The following CSMD1 variants were observed in gnomAD, a reference collection of about 807,000 sequenced individuals.
CSMD1 encodes CUB and Sushi multiple domains 1, also known as CUB and sushi domain-containing protein 1.
In CSMD1, 213 loss-of-function variants were observed where a neutral mutation model predicts 417.5. That is an observed-to-expected ratio of 0.51 (90% confidence interval 0.46 to 0.57). CSMD1 has a LOEUF of 0.57. CSMD1 is among the 20% of genes least tolerant of loss of function. The probability of loss-of-function intolerance (pLI) is 0.00; values close to 1 mark genes in which losing one functional copy is unlikely to be tolerated. For missense variants in CSMD1, 6,923 were observed against 4,529.7 expected (o/e 1.53, Z -15.17); for synonymous variants, 2,862 against 1,736.8 (o/e 1.65, Z -16.11).
At chr8:3,560,682 C>A (rs1483403922) in intron 10 of CSMD1, among the ~76,000 whole-genome samples, 1 of 152,126 alleles carries the variant, frequency 6.6e-6, no homozygotes, top group East Asian at 1.9e-4. Flanking sequence ...TTCATGGAAA[C>A]CATGAATTTC....
At chr8:3,883,723 A>C (rs1806366247) in intron 5 of CSMD1, among the ~76,000 whole-genome samples, 1 of 152,114 alleles carries the variant, frequency 6.6e-6, no homozygotes, top group African/African-American at 2.4e-5. Flanking sequence ...TTATGGCTTG[A>C]AAGTGATTCA....
chr8:4,015,460 A>G (rs1796475608), intron 4 of CSMD1, among the ~76,000 whole-genome samples: 1 of 152,072 alleles, frequency 6.6e-6, no homozygotes, highest in Admixed American at 6.6e-5. Context: ...TTCCAGTCAC[A>G]TTACGTAAGG....
chr8:3,533,849 T>A (rs1262662537), intron 10 of CSMD1, among the ~76,000 whole-genome samples: 1 of 152,184 alleles, frequency 6.6e-6, no homozygotes, highest in Non-Finnish European at 1.5e-5. Context: ...CAGTTAGAGA[T>A]CTTAGTCTGT....
In CSMD1 at chr8:4,750,003, T is replaced by A. The variant is rs868696932; in HGVS notation, c.86-112445A>T. Among the ~76,000 whole-genome samples the A allele has an allele frequency of 3.7e-4, 55 of 147,698 alleles. 1 individual carries two copies. The highest frequency in any genetic ancestry group is 9.1e-4 in the African/African-American group (34 of 37,486). On this transcript the variant is annotated intron_variant, in intron 1 of 69. Transcript: ENST00000635120. ...AACCCTTGTTTAATTGAAAAAAAAA[T>A]AATAATTATTATTATTTTTTTGAGA...
chr8:4,035,948 C>G (rs561684085), intron 3 of CSMD1, among the ~76,000 whole-genome samples: 104 of 152,316 alleles, frequency 6.8e-4, no homozygotes, highest in Middle Eastern at 6.8e-3. Context: ...AAACTCTATT[C>G]ACGGTAAGTG....
chr8:4,035,421 C>T (rs1178474818), intron 3 of CSMD1, among the ~76,000 whole-genome samples: 1 of 152,112 alleles, frequency 6.6e-6, no homozygotes, highest in East Asian at 1.9e-4. Context: ...TACTGTAAAA[C>T]AACCTTAGTC....
At chr8:3,651,732 G>A (rs752914186) in intron 7 of CSMD1, among the ~76,000 whole-genome samples, 6 of 150,802 alleles carry the variant, frequency 4.0e-5, no homozygotes, top group Admixed American at 1.3e-4. Context: ...CAGCAACAGC[G>A]TGCTTACTAT....
chr8:4,363,728 T>A (rs74432575), intron 3 of CSMD1, among the ~76,000 whole-genome samples: 1 of 152,154 alleles, frequency 6.6e-6, no homozygotes, highest in African/African-American at 2.4e-5. Context: ...GTTCCACCCA[T>A]GTTGTTGCAA....
intron 3 of CSMD1, among the ~76,000 whole-genome samples, chr8:4,416,865 A>T (rs62480997): frequency 6.6e-6 from 1 of 152,106 alleles, no homozygotes; most frequent in South Asian, 2.1e-4. Context: ...CATTACACAA[A>T]TAAAATTTAT....
intron 1 of CSMD1, among the ~76,000 whole-genome samples, chr8:4,988,111 C>T (rs777041369): frequency 6.6e-6 from 1 of 152,174 alleles, no homozygotes; most frequent in Non-Finnish European, 1.5e-5. Context: ...GTGAAAAAAA[C>T]TGGGAAGAGA....
At chr8:3,392,441 AG>A (rs1349596228) in intron 17 of CSMD1, among the ~76,000 whole-genome samples, 1 of 151,884 alleles carries the variant, frequency 6.6e-6, no homozygotes, top group Non-Finnish European at 1.5e-5. Context: ...ACCTGGATGA[AG>A]GGGTTGGTAG....
At chr8:4,499,185 G>T (rs1191256729) in intron 2 of CSMD1, among the ~76,000 whole-genome samples, 3 of 152,192 alleles carry the variant, frequency 2.0e-5, no homozygotes, top group African/African-American at 7.2e-5. Context: ...AAGCAAGACA[G>T]AAAATTGAGG....
At chr8:4,542,163 G>A (rs1047860451) in intron 2 of CSMD1, among the ~76,000 whole-genome samples, 1 of 152,114 alleles carries the variant, frequency 6.6e-6, no homozygotes, top group Non-Finnish European at 1.5e-5. Flanking sequence ...CACATTCTTA[G>A]AACTCTTAGT....
rs1390898739 is a variant in CSMD1 at position 2,935,732 on chromosome 8, AGGGTC to A, written c.*2848_*2852del. The A allele has an allele frequency of 4.0e-5, 6 of 151,274 alleles. No homozygotes were observed. Among genetic ancestry groups the A allele is most frequent in the Non-Finnish European group, 5.9e-5 (4 of 67,824 alleles). The allele number at this position is 151,274 out of a possible 1,614,324, so 9.4% of individuals were successfully genotyped here. ...AGCAGCGTGTGGTGGGACGGGAGGG[AGGGTC>A]GGCGATGACAATGGGTTTTCCTGAT... On this transcript the variant is annotated 3_prime_UTR_variant, in exon 70 of 70. Coordinates refer to ENST00000635120, the MANE Select transcript of CSMD1 (RefSeq NM_033225.6).
chr8:3,360,417 T>A (rs780634786), intron 20 of CSMD1, among the ~76,000 whole-genome samples: 1 of 152,220 alleles, frequency 6.6e-6, no homozygotes, highest in Non-Finnish European at 1.5e-5. Context: ...CTTGGTCCAT[T>A]ATCAAGTCCA....
chr8:3,275,418 C>G (rs911854971), intron 26 of CSMD1, among the ~76,000 whole-genome samples: 1 of 152,082 alleles, frequency 6.6e-6, no homozygotes, highest in Non-Finnish European at 1.5e-5. Context: ...TGGTGTTGCT[C>G]TTCTCGAGGA....
intron 4 of CSMD1, among the ~76,000 whole-genome samples, chr8:4,022,407 G>A (rs1363090189): frequency 6.6e-6 from 1 of 152,066 alleles, no homozygotes; most frequent in Non-Finnish European, 1.5e-5. Flanking sequence ...TATTTTCTAT[G>A]TACAGTTTGT....
In CSMD1 at chr8:4,204,832, ATT is replaced by A. The variant is rs11284145; in HGVS notation, c.416-172735_416-172734del. ...AGCACACACAGCTAACTTTTATTTA[ATT>A]TTTTTTTACAAAGACAGGGTATCAC... On this transcript the variant is annotated intron_variant, in intron 3 of 69. Transcript: ENST00000635120. Among the ~76,000 whole-genome samples the A allele has an allele frequency of 8.3e-3, 1,257 of 151,182 alleles. 16 individuals carry two copies. Among genetic ancestry groups the A allele is most frequent in the African/African-American group, 0.025 (1,047 of 41,224 alleles).
chr8:4,512,827 A>G (rs1476893207), intron 2 of CSMD1, among the ~76,000 whole-genome samples: 1 of 152,078 alleles, frequency 6.6e-6, no homozygotes, highest in Admixed American at 6.6e-5. Context: ...TTAAAAAAAA[A>G]AAAACCTCAG....
Sources: allele counts gnomAD v4.1 joint callset (sites outside exome capture counted in the v4.1 genomes callset), GRCh38; gene constraint gnomAD v4.1.1; transcripts MANE v1.5; gene names NCBI Gene and HGNC (gene_info 2026-07-23, HGNC 2026-07-21).